Variants in PTPRT observed in about 807,000 individuals in gnomAD.
The protein encoded by PTPRT is receptor-type tyrosine-protein phosphatase T.
In PTPRT, 56 loss-of-function variants were observed where a neutral mutation model predicts 176.8. The ratio of observed to expected loss-of-function variants is 0.32; its 90% confidence interval spans 0.26 to 0.40. The LOEUF (loss-of-function observed/expected upper bound fraction) is 0.40, where lower values mean the gene tolerates loss of function less well. Ranked by LOEUF, PTPRT falls within the 10% of genes least tolerant of loss-of-function variation. The pLI, the probability that PTPRT is intolerant of heterozygous loss-of-function variation, is 1.00. For synonymous variants in PTPRT, 783 were observed against 739.0 expected (o/e 1.06, Z -0.96); for missense variants, 1,540 against 1,908.2 (o/e 0.81, Z 3.60).
At chr20:43,148,680 G>C (rs1050592566) in intron 1 of PTPRT, among the ~76,000 whole-genome samples, 3 of 152,160 alleles carry the variant, frequency 2.0e-5, no homozygotes, top group African/African-American at 7.2e-5. Context: ...TATTTTTATA[G>C]AGGGAGTAAA....
chr20:43,061,752 A>G (rs1986447208), intron 1 of PTPRT, among the ~76,000 whole-genome samples: 1 of 152,250 alleles, frequency 6.6e-6, no homozygotes, highest in Non-Finnish European at 1.5e-5. Flanking sequence ...CAGAATTTCA[A>G]GGTAACTCTT....
chr20:42,710,823 C>A (rs1460977552), intron 6 of PTPRT, among the ~76,000 whole-genome samples: 2 of 152,268 alleles, frequency 1.3e-5, no homozygotes, highest in African/African-American at 4.8e-5. Context: ...CAACTCCAAC[C>A]CATGAGAGCA....
chr20:43,180,819 C>T (rs2015239200), intron 1 of PTPRT, among the ~76,000 whole-genome samples: 1 of 152,082 alleles, frequency 6.6e-6, no homozygotes, highest in Admixed American at 6.5e-5. Flanking sequence ...ATTATATATT[C>T]TAATATATAT....
chr20:42,933,566 C>A (rs1187881725), intron 1 of PTPRT, among the ~76,000 whole-genome samples: 2 of 152,152 alleles, frequency 1.3e-5, no homozygotes, highest in Non-Finnish European at 2.9e-5. Context: ...CTCCCCCAAA[C>A]CCTTCAATGT....
At chr20:42,532,562 T>G (rs2072403101) in intron 7 of PTPRT, among the ~76,000 whole-genome samples, 1 of 152,164 alleles carries the variant, frequency 6.6e-6, no homozygotes, top group Admixed American at 6.5e-5. Flanking sequence ...CCACCATGAC[T>G]TGTTAACTTT....
In PTPRT at chr20:43,052,615, T is replaced by C. The variant is rs116641128; in HGVS notation, c.88+137031A>G. Among the ~76,000 whole-genome samples the C allele has an allele frequency of 4.7e-3, 710 of 152,346 alleles. 6 individuals are homozygous for C. The highest frequency in any genetic ancestry group is 0.013 in the African/African-American group (556 of 41,588). On this transcript the variant is annotated intron_variant, in intron 1 of 30. Coordinates refer to ENST00000373187, the MANE Select transcript of PTPRT (RefSeq NM_007050.6). ...ATAGGATGAGGTCATTCTATTTCCC[T>C]TTTAAAAAAATAGGTTTATTAAGAT...
At chr20:43,183,241 T>A (rs1248883544) in intron 1 of PTPRT, among the ~76,000 whole-genome samples, 1 of 152,214 alleles carries the variant, frequency 6.6e-6, no homozygotes, top group Admixed American at 6.5e-5. Flanking sequence ...GCTTTGCAAA[T>A]TGCTAATACA....
chr20:42,399,558 G>T (rs987632246), intron 9 of PTPRT, among the ~76,000 whole-genome samples: 4 of 152,196 alleles, frequency 2.6e-5, no homozygotes, highest in African/African-American at 9.6e-5. Context: ...ATTTCAATGG[G>T]ATAGGCCTGG....
intron 13 of PTPRT, among the ~76,000 whole-genome samples, chr20:42,271,483 G>T (rs2056934618): frequency 6.6e-6 from 1 of 152,162 alleles, no homozygotes; most frequent in African/African-American, 2.4e-5. Context: ...AGAAATGGAT[G>T]CCTTCTCTTA....
chr20:42,096,412 G>A (rs1985240191), intron 27 of PTPRT, among the ~76,000 whole-genome samples: 1 of 152,088 alleles, frequency 6.6e-6, no homozygotes, highest in African/African-American at 2.4e-5. Flanking sequence ...AGACCAGCCT[G>A]GCCAATATGG....
chr20:42,045,554 C>G, the PTPRT span, among the ~76,000 whole-genome samples: 1 of 151,742 alleles, frequency 6.6e-6, no homozygotes, highest in African/African-American at 2.4e-5. Flanking sequence ...GATCTGGTGT[C>G]CTGAGGTCAC....
chr20:43,102,504 C>T (rs935900501), intron 1 of PTPRT, among the ~76,000 whole-genome samples: 2 of 152,144 alleles, frequency 1.3e-5, no homozygotes, highest in Admixed American at 1.3e-4. Context: ...AGAGAGAGAA[C>T]AGAGTATGAC....
At chr20:42,624,408 A>G (rs1429841314) in intron 7 of PTPRT, among the ~76,000 whole-genome samples, 2 of 152,254 alleles carry the variant, frequency 1.3e-5, no homozygotes, top group East Asian at 3.8e-4. Context: ...TATCAGGAAC[A>G]TAAGGTTAGA....
Position 42,198,368 on chromosome 20 carries a change from C to T in PTPRT, c.2491+872G>A, listed in dbSNP as rs117482808. 5.9e-3 allele frequency among the ~76,000 whole-genome samples: 894 copies of T among 152,290 alleles called. 1 individual carries two copies. The highest frequency in any genetic ancestry group is 0.014 in the Middle Eastern group (4 of 294). ...CCCCATCATCCCAAACTGATCATCT[C>T]TTGAGTGATTTTTTACAAAATGGAG... On this transcript the variant is annotated intron_variant, in intron 16 of 30. Transcript: ENST00000373187.
chr20:42,928,686 G>A (rs1979641805), intron 1 of PTPRT, among the ~76,000 whole-genome samples: 1 of 152,150 alleles, frequency 6.6e-6, no homozygotes, highest in Non-Finnish European at 1.5e-5. Flanking sequence ...GGTGGCAAAT[G>A]ACAGCCCTGC....
intron 2 of PTPRT, among the ~76,000 whole-genome samples, chr20:42,832,005 G>C (rs987563444): frequency 2.6e-5 from 4 of 152,184 alleles, no homozygotes; most frequent in African/African-American, 9.7e-5. Flanking sequence ...ACTATCATTC[G>C]ACCCAGCAGT....
chr20:42,961,605 G>A lies in PTPRT; in HGVS notation c.89-75673C>T, dbSNP rs531151730. Reference sequence around the variant, plus strand: ...TGCACTCCTTTAGGGCAGGGGAGAGGAAAAGAAACCAACTCAACTGCCTTC... The same window carrying A: ...TGCACTCCTTTAGGGCAGGGGAGAGAAAAAGAAACCAACTCAACTGCCTTC... On this transcript the variant is annotated intron_variant, in intron 1 of 30. Coordinates refer to ENST00000373187, the MANE Select transcript of PTPRT (RefSeq NM_007050.6). 5.2e-4 allele frequency among the ~76,000 whole-genome samples: 79 copies of A among 152,306 alleles called. 1 individual carries two copies. The highest frequency in any genetic ancestry group is 1.8e-3 in the African/African-American group (75 of 41,564).
intron 7 of PTPRT, among the ~76,000 whole-genome samples, chr20:42,486,723 T>G (rs1214381781): frequency 6.6e-6 from 1 of 151,996 alleles, no homozygotes; most frequent in Non-Finnish European, 1.5e-5. Flanking sequence ...AGGCTATGAG[T>G]TGTGCCCAGG....
At chr20:42,655,576 G>A (rs2075111146) in intron 7 of PTPRT, among the ~76,000 whole-genome samples, 1 of 152,160 alleles carries the variant, frequency 6.6e-6, no homozygotes, top group South Asian at 2.1e-4. Context: ...AATGAATAGT[G>A]GCAGCAAAGA....
Sources: gnomAD v4.1 joint callset for allele counts (sites outside exome capture counted in the v4.1 genomes callset) on GRCh38, gnomAD v4.1.1 for gene constraint, MANE v1.5 for transcripts, NCBI Gene and HGNC (gene_info 2026-07-23, HGNC 2026-07-21) for gene names.